The following DOCK1 variants were observed in gnomAD, a reference collection of about 807,000 sequenced individuals.
The protein encoded by DOCK1 is dedicator of cytokinesis 1.
Under a neutral mutation model 262.7 loss-of-function variants are expected in DOCK1, and 138 were observed. The ratio of observed to expected loss-of-function variants is 0.53; its 90% confidence interval spans 0.46 to 0.61. The LOEUF (loss-of-function observed/expected upper bound fraction) is 0.61, where lower values mean the gene tolerates loss of function less well. Ranked by LOEUF, DOCK1 falls within the 20% of genes least tolerant of loss-of-function variation. DOCK1 has a pLI of 0.00. For synonymous variants in DOCK1, 866 were observed against 867.4 expected (o/e 1.00, Z 0.03); for missense variants, 1,908 against 2,370.7 (o/e 0.80, Z 4.05).
Position 127,247,997 on chromosome 10 carries a change from T to C in DOCK1, c.2848-11T>C. ...TGTCTCATCTAATTCTATCTTTTGA[T>C]TCATTTACAGGGAAACTTCGTGGCT... is the stretch of plus-strand genomic sequence containing the variant. On this transcript the variant is annotated splice_polypyrimidine_tract_variant and intron_variant, in intron 27 of 51. Transcript: ENST00000623213. 6.2e-7 allele frequency: 1 copy of C among 1,612,900 alleles called. No homozygotes were observed. The highest frequency in any genetic ancestry group is 1.1e-5 in the South Asian group (1 of 90,910).
chr10:127,054,020 G>A (rs941631257), intron 22 of DOCK1, among the ~76,000 whole-genome samples: 9 of 152,156 alleles, frequency 5.9e-5, no homozygotes, highest in Non-Finnish European at 1.3e-4. Context: ...CTGAATTAGC[G>A]AATACATTTG....
intron 1 of DOCK1, among the ~76,000 whole-genome samples, chr10:126,907,608 G>A (rs898978883): frequency 3.3e-5 from 5 of 152,140 alleles, no homozygotes; most frequent in African/African-American, 7.2e-5. Context: ...AAGAGACCTT[G>A]TTACCCTTCG....
At chr10:127,191,343 A>G (rs749176990) in intron 27 of DOCK1, among the ~76,000 whole-genome samples, 1 of 152,154 alleles carries the variant, frequency 6.6e-6, no homozygotes, top group African/African-American at 2.4e-5. Flanking sequence ...TGCCTTGGCC[A>G]CTGCTGCAAC....
intron 26 of DOCK1, among the ~76,000 whole-genome samples, chr10:127,125,850 G>A (rs2049919077): frequency 6.6e-6 from 1 of 151,868 alleles, no homozygotes; most frequent in South Asian, 2.1e-4. Flanking sequence ...TGTCTCTCAG[G>A]ACCTAAATTT....
chr10:127,179,470 G>A (rs1278795286), intron 27 of DOCK1, among the ~76,000 whole-genome samples: 1 of 152,138 alleles, frequency 6.6e-6, no homozygotes, highest in Non-Finnish European at 1.5e-5. Context: ...TCTCTGATAG[G>A]GAAAACACCA....
chr10:127,451,449 G>A lies in DOCK1; in HGVS notation c.*22G>A. 6.4e-7 allele frequency: 1 copy of A among 1,558,216 alleles called. No individual in the cohort carries two copies. The highest frequency in any genetic ancestry group is 8.7e-7 in the Non-Finnish European group (1 of 1,151,098). On this transcript the variant is annotated 3_prime_UTR_variant, in exon 52 of 52. Transcript: ENST00000623213. ...GTGACGTCGCAAGCCTCTCTGGAAA[G>A]AGTGTGCTGCCCCTCCCCATCTCCA...
chr10:127,220,406 G>A (rs1366854888), intron 27 of DOCK1, among the ~76,000 whole-genome samples: 4 of 151,988 alleles, frequency 2.6e-5, no homozygotes, highest in African/African-American at 7.3e-5. Flanking sequence ...TGAACTGCAC[G>A]TGGGGCTGCC....
intron 1 of DOCK1, among the ~76,000 whole-genome samples, chr10:126,949,284 G>C (rs931652010): frequency 6.6e-6 from 1 of 152,124 alleles, no homozygotes; most frequent in East Asian, 1.9e-4. Context: ...GGAGCCGCAG[G>C]ACAGCCCCTA....
At chr10:127,428,007 C>T (rs1229809741) in intron 47 of DOCK1, among the ~76,000 whole-genome samples, 1 of 152,238 alleles carries the variant, frequency 6.6e-6, no homozygotes, top group Non-Finnish European at 1.5e-5. Context: ...AGGGCTCTGT[C>T]CTTCAAGGCT....
chr10:126,919,884 A>G (rs2033000425), intron 1 of DOCK1, among the ~76,000 whole-genome samples: 1 of 152,184 alleles, frequency 6.6e-6, no homozygotes, highest in South Asian at 2.1e-4. Context: ...ATGAAGGCAA[A>G]GGGAGAGATT....
chr10:127,303,708 A>C (rs1349510630), intron 29 of DOCK1, among the ~76,000 whole-genome samples: 11 of 152,044 alleles, frequency 7.2e-5, no homozygotes, highest in Admixed American at 7.2e-4. Flanking sequence ...AAAATTTTTA[A>C]AAATTAGCCG....
At position 127,052,833 on chromosome 10, in the gene DOCK1, C is replaced by T. The variant is rs1223858172; in HGVS notation, c.2336+18C>T. On this transcript the variant is annotated intron_variant, in intron 22 of 51. Coordinates refer to ENST00000623213, the MANE Select transcript of DOCK1 (RefSeq NM_001290223.2). ...TTCAATCAGTGCGTACCTATCCCCT[C>T]CATGCCCGGGCTCTCAGAGGACTGG... is the stretch of plus-strand genomic sequence containing the variant. 6.2e-7 allele frequency: 1 copy of T among 1,600,092 alleles called. No homozygotes were observed. The highest frequency in any genetic ancestry group is 8.5e-7 in the Non-Finnish European group (1 of 1,172,654).
chr10:127,267,633 G>A (rs1564951443), intron 29 of DOCK1, among the ~76,000 whole-genome samples: 1 of 152,214 alleles, frequency 6.6e-6, no homozygotes, highest in South Asian at 2.1e-4. Flanking sequence ...GCACCTCGTC[G>A]GGAGTGCCTG....
intron 10 of DOCK1, among the ~76,000 whole-genome samples, chr10:127,006,769 G>C (rs1302858772): frequency 1.3e-5 from 2 of 152,152 alleles, no homozygotes; most frequent in African/African-American, 4.8e-5. Context: ...TGGGCACTGG[G>C]GATGTGGCAA....
intron 1 of DOCK1, among the ~76,000 whole-genome samples, chr10:126,922,583 C>T (rs2033311045): frequency 6.6e-6 from 1 of 152,154 alleles, no homozygotes; most frequent in Non-Finnish European, 1.5e-5. Context: ...AAATCCCTCC[C>T]ACAAGGCCCA....
At chr10:127,263,293 A>G (rs899008545) in intron 29 of DOCK1, among the ~76,000 whole-genome samples, 1 of 46,048 alleles carries the variant, frequency 2.2e-5, no homozygotes, top group Admixed American at 2.0e-4. Flanking sequence ...CCTCTTATGG[A>G]AATTGCAGAT....
At chr10:127,237,639 T>C (rs981758005) in intron 27 of DOCK1, among the ~76,000 whole-genome samples, 3 of 152,214 alleles carry the variant, frequency 2.0e-5, no homozygotes, top group African/African-American at 7.2e-5. Flanking sequence ...TGAGTGATTA[T>C]TCCTGCTGCT....
intron 39 of DOCK1, 64 bp downstream of exon 39, chr10:127,403,208 T>A: frequency 6.7e-7 from 1 of 1,493,094 alleles, no homozygotes; most frequent in South Asian, 1.2e-5. Context: ...TTCAGGAATC[T>A]CTCTTTCCAT....
intron 27 of DOCK1, among the ~76,000 whole-genome samples, chr10:127,165,916 G>T (rs1322611231): frequency 6.6e-6 from 1 of 152,144 alleles, no homozygotes; most frequent in African/African-American, 2.4e-5. Context: ...TCTAGCACCG[G>T]AAAGATGCTT....
Sources: allele counts gnomAD v4.1 joint callset (sites outside exome capture counted in the v4.1 genomes callset), GRCh38; gene constraint gnomAD v4.1.1; transcripts MANE v1.5; gene names NCBI Gene and HGNC (gene_info 2026-07-23, HGNC 2026-07-21).